RYR2: variants seen among roughly 807,000 people sequenced by gnomAD.
RYR2 encodes ryanodine receptor 2, also known as cardiac muscle ryanodine receptor-calcium release channel.
A neutral mutation model predicts 601.1 loss-of-function variants in RYR2; 227 were observed. The observed-to-expected ratio is 0.38, with a 90% CI of 0.34 to 0.42. The LOEUF (loss-of-function observed/expected upper bound fraction) is 0.42. RYR2 is among the 10% of genes least tolerant of loss of function. The pLI, the probability that RYR2 is intolerant of heterozygous loss-of-function variation, is 1.00. For missense variants in RYR2, 4,646 were observed against 6,156.5 expected, an observed-to-expected ratio of 0.75 and a Z score of 8.21; for synonymous variants, 2,223 against 2,175.1, an observed-to-expected ratio of 1.02 and a Z score of -0.61.
chr1:237,362,531 T>C (rs2149718517), intron 4 of RYR2, among the ~76,000 whole-genome samples: 1 of 152,332 alleles, frequency 6.6e-6, no homozygotes, highest in East Asian at 1.9e-4. Flanking sequence ...GTTATTCTTT[T>C]TCTGTTTGTT....
intron 11 of RYR2, among the ~76,000 whole-genome samples, chr1:237,419,357 T>C (rs1423763949): frequency 1.3e-5 from 2 of 152,200 alleles, no homozygotes; most frequent in Non-Finnish European, 2.9e-5. Flanking sequence ...TTTATTGTTA[T>C]CGATACTATT....
intron 58 of RYR2, among the ~76,000 whole-genome samples, chr1:237,668,379 A>C (rs942863870): frequency 6.6e-6 from 1 of 151,870 alleles, no homozygotes; most frequent in Non-Finnish European, 1.5e-5. Flanking sequence ...CCGTTTTTTT[A>C]TTCAAATACT....
At chr1:237,575,859 C>T (rs142970324) in intron 29 of RYR2, among the ~76,000 whole-genome samples, 56 of 152,116 alleles carry the variant, frequency 3.7e-4, no homozygotes, top group African/African-American at 1.3e-3. Context: ...TATCATCATT[C>T]GAAGACAATA....
Position 237,705,222 on chromosome 1 carries a change from T to C in RYR2, c.9459T>C (p.Ser3153=), listed in dbSNP as rs1226216989. ...SKSIYVERQR[S]ALGECLAAFA... is the part of the protein sequence containing the mutation. ...CATTTTCCACTTATAGGCAACGTTC[T>C]GCATTAGGAGAATGTCTAGCTGCCT... is the stretch of plus-strand genomic sequence containing the variant. The change falls in exon 67 of 105, where the codon TCT becomes TCC. Residue 3153 remains serine (S), a synonymous_variant. Transcript: ENST00000366574. 6.2e-7 allele frequency: 1 copy of C among 1,607,958 alleles called. No homozygotes were observed. Among genetic ancestry groups the C allele is most frequent in the Admixed American group, 1.7e-5 (1 of 59,398 alleles).
intron 29 of RYR2, among the ~76,000 whole-genome samples, chr1:237,588,025 T>C (rs1439716252): frequency 3.3e-5 from 5 of 152,168 alleles, no homozygotes; most frequent in African/African-American, 1.2e-4. Flanking sequence ...TACAATAGAT[T>C]TTTTATTTGA....
At chr1:237,664,581 C>T (rs1684120956) in intron 56 of RYR2, among the ~76,000 whole-genome samples, 1 of 152,168 alleles carries the variant, frequency 6.6e-6, no homozygotes, top group African/African-American at 2.4e-5. Context: ...TCTTGTGAGA[C>T]TTATTCACTA....
At chr1:237,061,269 C>T (rs12141255) in intron 1 of RYR2, among the ~76,000 whole-genome samples, 10,310 of 67,968 alleles carry the variant, frequency 0.15, 446 homozygotes, top group Admixed American at 0.18. Flanking sequence ...TCTATCTATC[C>T]ATCTATCATC....
chr1:237,551,219 T>A (rs1258268401), intron 27 of RYR2, among the ~76,000 whole-genome samples: 2 of 152,176 alleles, frequency 1.3e-5, no homozygotes, highest in Non-Finnish European at 2.9e-5. Flanking sequence ...ACATTTTCCT[T>A]AAATAATACC....
At chr1:237,067,448 G>A (rs1663788628) in intron 1 of RYR2, among the ~76,000 whole-genome samples, 1 of 152,054 alleles carries the variant, frequency 6.6e-6, no homozygotes, top group Non-Finnish European at 1.5e-5. Flanking sequence ...GTTCATACTT[G>A]TGCAGGGCTA....
rs368930040 is a variant in RYR2, at chr1:237,593,547, T to C, written c.4347T>C (p.Asp1449=). Residue 1449 remains aspartate, a synonymous_variant, in exon 33 of 105, where the codon GAT becomes GAC. Coordinates refer to ENST00000366574, the MANE Select transcript of RYR2 (RefSeq NM_001035.3). ...TCTGGGTGGGCTGGATTACATCAGA[T>C]TTCCATCAGTATGACACAGGCTTTG... is the stretch of plus-strand genomic sequence containing the variant. ...ANVWVGWITS[D]FHQYDTGFDL... is the part of the protein sequence containing the mutation. The C allele has an allele frequency of 1.1e-4, 170 of 1,613,974 alleles. 1 individual carries two copies. In the African/African-American group the frequency reaches 2.1e-3, roughly 20 times the overall value.
At chr1:237,156,723 GA>G (rs1373916787) in intron 1 of RYR2, among the ~76,000 whole-genome samples, 1 of 152,188 alleles carries the variant, frequency 6.6e-6, no homozygotes, top group Admixed American at 6.5e-5. Context: ...GGGGCATTGT[GA>G]AAGGAACACA....
intron 78 of RYR2, among the ~76,000 whole-genome samples, chr1:237,732,859 C>G (rs1377523833): frequency 6.6e-6 from 1 of 152,106 alleles, no homozygotes; most frequent in Non-Finnish European, 1.5e-5. Flanking sequence ...TGTTTTGCCC[C>G]CAGGCCTTTC....
At chr1:237,653,676 T>C (rs909030385) in intron 51 of RYR2, among the ~76,000 whole-genome samples, 1 of 152,080 alleles carries the variant, frequency 6.6e-6, no homozygotes, top group Non-Finnish European at 1.5e-5. Flanking sequence ...AGTCCCACAA[T>C]AGGCCGTCTG....
rs1212451518 is a variant in RYR2, at chr1:237,073,381, T to C, written c.48+30812T>C. On this transcript the variant is annotated intron_variant, in intron 1 of 104. Transcript: ENST00000366574. The stretch of plus-strand genomic sequence containing the variant: ...ACCTCATAAGACAAAGGGGACCACG[T>C]AGGAAGTCACTGTCCTGCTCTGCAT... 2.6e-5 allele frequency among the ~76,000 whole-genome samples: 4 copies of C among 152,208 alleles called. No individual in the cohort carries two copies. In the East Asian group the frequency reaches 7.7e-4, roughly 29 times the overall value.
chr1:237,368,411 T>A (rs1376089882), intron 5 of RYR2, among the ~76,000 whole-genome samples: 1 of 152,056 alleles, frequency 6.6e-6, no homozygotes, highest in South Asian at 2.1e-4. Context: ...TGGGGCAGCA[T>A]GAAAGCAGTA....
intron 1 of RYR2, among the ~76,000 whole-genome samples, chr1:237,258,252 G>GT (rs922639157): frequency 4.6e-5 from 7 of 151,926 alleles, no homozygotes; most frequent in Admixed American, 2.0e-4. Flanking sequence ...TGTGTGGTTG[G>GT]ATTGTAGCAA....
chr1:237,128,683 A>C (rs568006114), intron 1 of RYR2, among the ~76,000 whole-genome samples: 3 of 152,278 alleles, frequency 2.0e-5, no homozygotes, highest in Admixed American at 6.5e-5. Context: ...TGGCTGCCAG[A>C]ATAGACTGAA....
intron 1 of RYR2, among the ~76,000 whole-genome samples, chr1:237,206,423 G>A (rs639409): frequency 0.4 from 61,221 of 152,080 alleles, 12,949 homozygotes; most frequent in Admixed American, 0.49. Context: ...GATAGATAGC[G>A]TTAGGAGTGT....
At chr1:237,222,412 CAA>C (rs35919052) in intron 1 of RYR2, among the ~76,000 whole-genome samples, 76 of 136,684 alleles carry the variant, frequency 5.6e-4, no homozygotes, top group South Asian at 9.3e-4. Context: ...GACTCCATCT[CAA>C]AAAAAAAAAA....
Sources: gnomAD v4.1 joint callset for allele counts (sites outside exome capture counted in the v4.1 genomes callset) on GRCh38, gnomAD v4.1.1 for gene constraint, MANE v1.5 for transcripts, NCBI Gene and HGNC (gene_info 2026-07-23, HGNC 2026-07-21) for gene names.